PLCH1: variants seen among roughly 807,000 people sequenced by gnomAD.
PLCH1 encodes the protein 1-phosphatidylinositol 4,5-bisphosphate phosphodiesterase eta-1.
In PLCH1, 60 loss-of-function variants were observed where a neutral mutation model predicts 126.7. The ratio of observed to expected loss-of-function variants is 0.47; its 90% CI spans 0.38 to 0.59. The LOEUF (loss-of-function observed/expected upper bound fraction) is 0.59, where lower values mean the gene tolerates loss of function less well. Among genes scored for constraint, PLCH1 ranks in the 20% least tolerant of loss-of-function variants. PLCH1 has a pLI of 0.00. For missense variants in PLCH1, 1,723 were observed against 2,040.0 expected, an observed-to-expected ratio of 0.84 and a Z score of 2.99; for synonymous variants, 719 against 734.9, an observed-to-expected ratio of 0.98 and a Z score of 0.35.
At chr3:155,495,753 A>T (rs1057100702) in intron 15 of PLCH1, among the ~76,000 whole-genome samples, 2 of 152,210 alleles carry the variant, frequency 1.3e-5, no homozygotes, top group East Asian at 3.9e-4. Flanking sequence ...AAGAGTCAGG[A>T]ATACAAACTG....
At chr3:155,675,635 T>C (rs1744008958) in intron 2 of PLCH1, among the ~76,000 whole-genome samples, 1 of 152,238 alleles carries the variant, frequency 6.6e-6, no homozygotes, top group Non-Finnish European at 1.5e-5. Flanking sequence ...GACTTGACAA[T>C]GTTTCAGTTA....
chr3:155,734,817 T>C (rs1037483794), intron 1 of PLCH1, among the ~76,000 whole-genome samples: 16 of 151,744 alleles, frequency 1.1e-4, no homozygotes, highest in Admixed American at 3.3e-4. Flanking sequence ...CACGCCATTC[T>C]CCTGCCTCAG....
chr3:155,561,931 G>A (rs1046204966), intron 8 of PLCH1, among the ~76,000 whole-genome samples: 2 of 152,086 alleles, frequency 1.3e-5, no homozygotes, highest in African/African-American at 4.8e-5. Flanking sequence ...ACAGGTGCAT[G>A]CCACCATGCC....
intron 1 of PLCH1, among the ~76,000 whole-genome samples, chr3:155,705,646 T>A (rs182397673): frequency 3.9e-5 from 6 of 152,326 alleles, no homozygotes; most frequent in Admixed American, 3.3e-4. Context: ...GTGCATTTGT[T>A]TATAGTTAGC....
intron 8 of PLCH1, among the ~76,000 whole-genome samples, chr3:155,561,099 T>C (rs1727526627): frequency 7.0e-6 from 1 of 143,464 alleles, no homozygotes; most frequent in African/African-American, 2.4e-5. Context: ...TTCTGGCATC[T>C]TCTAATCACC....
At chr3:155,532,343 A>G (rs931344682) in intron 10 of PLCH1, among the ~76,000 whole-genome samples, 12 of 152,170 alleles carry the variant, frequency 7.9e-5, no homozygotes, top group African/African-American at 2.7e-4. Flanking sequence ...TCTGTGAGAC[A>G]GCTGAAAAAC....
At chr3:155,606,318 G>GA (rs1053614202) in intron 2 of PLCH1, among the ~76,000 whole-genome samples, 7 of 152,080 alleles carry the variant, frequency 4.6e-5, no homozygotes, top group Non-Finnish European at 7.4e-5. Flanking sequence ...CCCGTTTTAG[G>GA]AAAAAACTCT....
At position 155,549,791 on chromosome 3, in the gene PLCH1, A is replaced by G. The variant is rs1334171282; in HGVS notation, c.1358T>C (p.Val453Ala). Reference protein sequence around the residue: ...SPQSLKGKILVKGKKLPYHLG... With the variant: ...SPQSLKGKILAKGKKLPYHLG... ...TGCATTACTTGAAGTAATTACCTTC[A>G]CTAGAATTTTGCCTTTCAAACTTTG... The change falls in exon 10 of 23, where the codon GTG (valine) becomes GCG (alanine). Residue 453 changes from valine (V) to alanine (A), a missense_variant. By Grantham distance (64) the Val-to-Ala change is moderately conservative. Coordinates refer to ENST00000460012, the MANE Select transcript of PLCH1 (RefSeq NM_014996.4). The G allele has an allele frequency of 6.2e-7, 1 of 1,610,608 alleles. No homozygotes were observed.
chr3:155,465,887 G>C (rs909275917), intron 21 of PLCH1, among the ~76,000 whole-genome samples: 2 of 152,168 alleles, frequency 1.3e-5, no homozygotes, highest in African/African-American at 2.4e-5. Flanking sequence ...ACAAGGTGAG[G>C]CTCCTCTGCC....
chr3:155,486,643 G>C (rs1377329636), intron 21 of PLCH1, among the ~76,000 whole-genome samples: 4 of 150,252 alleles, frequency 2.7e-5, no homozygotes, highest in Non-Finnish European at 5.9e-5. Flanking sequence ...TCCTGCCTCA[G>C]CCTCCCGAGT....
intron 10 of PLCH1, among the ~76,000 whole-genome samples, chr3:155,538,756 A>T (rs1056787155): frequency 2.0e-5 from 3 of 151,958 alleles, no homozygotes; most frequent in Non-Finnish European, 4.4e-5. Flanking sequence ...AATGCTAATA[A>T]AAAAAATTGC....
chr3:155,702,028 C>T lies in PLCH1; in HGVS notation c.79+2118G>A, dbSNP rs544599526. On this transcript the variant is annotated intron_variant, in intron 2 of 22. Coordinates refer to ENST00000460012, the MANE Select transcript of PLCH1 (RefSeq NM_014996.4). ...AGGATTTAATATCTCTAAATCCTTTCGAAAGAGTAATTCTTGAATGTAAGA... is the reference window on the plus strand; with the variant it reads ...AGGATTTAATATCTCTAAATCCTTTTGAAAGAGTAATTCTTGAATGTAAGA... Among the ~76,000 whole-genome samples the T allele has an allele frequency of 2.6e-5, 4 of 152,242 alleles. No individual in the cohort carries two copies. The South Asian group carries it at 8.3e-4, about 32-fold the overall frequency.
intron 6 of PLCH1, among the ~76,000 whole-genome samples, chr3:155,573,427 T>G (rs1729517502): frequency 6.6e-6 from 1 of 152,222 alleles, no homozygotes; most frequent in Non-Finnish European, 1.5e-5. Flanking sequence ...CAAGTCAGAC[T>G]GGGTTCAGTT....
chr3:155,466,400 T>G (rs191211006), intron 21 of PLCH1, among the ~76,000 whole-genome samples: 72 of 152,320 alleles, frequency 4.7e-4, no homozygotes, highest in Non-Finnish European at 9.0e-4. Flanking sequence ...AGGTGGTACC[T>G]CTATGAGTCT....
chr3:155,581,461 TG>T (rs1311136763), intron 6 of PLCH1, among the ~76,000 whole-genome samples: 2 of 152,322 alleles, frequency 1.3e-5, no homozygotes, highest in East Asian at 3.9e-4. Flanking sequence ...ATATATTATT[TG>T]GCAATAAGAA....
intron 2 of PLCH1, among the ~76,000 whole-genome samples, chr3:155,697,903 A>T (rs983204207): frequency 1.3e-5 from 2 of 152,216 alleles, no homozygotes; most frequent in African/African-American, 4.8e-5. Flanking sequence ...CAACAGGGAC[A>T]TGTGAGACAA....
chr3:155,654,276 C>T (rs1741109128), intron 2 of PLCH1, among the ~76,000 whole-genome samples: 1 of 151,920 alleles, frequency 6.6e-6, no homozygotes, highest in South Asian at 2.1e-4. Flanking sequence ...TGAGATAAAT[C>T]TGGAGGAGCC....
chr3:155,640,079 T>C (rs1739230710), intron 2 of PLCH1, among the ~76,000 whole-genome samples: 1 of 152,216 alleles, frequency 6.6e-6, no homozygotes, highest in Non-Finnish European at 1.5e-5. Flanking sequence ...TACTCCTTTA[T>C]AGCAATGTGA....
chr3:155,485,632 C>T lies in PLCH1; in HGVS notation c.2698G>A (p.Val900Ile). The change falls in exon 22 of 23, where the codon GTA (valine) becomes ATA (isoleucine). Residue 900 changes from valine (V) to isoleucine (I), a missense_variant. Around this residue, in one of 2 missense-constraint regions of PLCH1, gnomAD observed 947 missense variants for 977.1 expected, o/e 0.97. Coordinates refer to ENST00000460012, the MANE Select transcript of PLCH1 (RefSeq NM_014996.4). ...CTATCTCCAATGGATCGCTTCCGTA[C>T]ATAATGGGAATTGTTTTCTGAAGAA... Reference protein sequence around the residue: ...HSSSENNSHYVRKRSIGDRIL... With the variant: ...HSSSENNSHYIRKRSIGDRIL... 6.2e-7 allele frequency: 1 copy of T among 1,612,094 alleles called. No homozygotes were observed. The highest frequency in any genetic ancestry group is 8.5e-7 in the Non-Finnish European group (1 of 1,179,994).
Sources: gnomAD v4.1 joint callset for allele counts (sites outside exome capture counted in the v4.1 genomes callset) on GRCh38, gnomAD v4.1.1 for gene constraint, gnomAD v4.1.1 regional missense constraint, MANE v1.5 for transcripts, NCBI Gene and HGNC (gene_info 2026-07-23, HGNC 2026-07-21) for gene names.